The following MGMT variants were observed in gnomAD, a reference collection of about 807,000 sequenced individuals.
The protein encoded by MGMT is methylated-DNA--protein-cysteine methyltransferase.
In MGMT, 14 loss-of-function variants were observed where a neutral mutation model predicts 15.9. The ratio of observed to expected loss-of-function variants is 0.88; its 90% CI spans 0.58 to 1.37. The LOEUF (loss-of-function observed/expected upper bound fraction) is 1.37, where lower values mean the gene tolerates loss of function less well. MGMT is among the 40% of genes most tolerant of loss of function. MGMT has a pLI of 0.00. For synonymous variants in MGMT, 130 were observed against 118.2 expected, an observed-to-expected ratio of 1.10 and a Z score of -0.65; for missense variants, 282 against 268.1, an observed-to-expected ratio of 1.05 and a Z score of -0.36.
chr10:129,563,112 T>G (rs1327169771), intron 2 of MGMT, among the ~76,000 whole-genome samples: 1 of 152,216 alleles, frequency 6.6e-6, no homozygotes, highest in Non-Finnish European at 1.5e-5. Flanking sequence ...TAAGGCAGGC[T>G]GGGTGGAACC....
At chr10:129,552,837 T>G (rs1433658895) in intron 2 of MGMT, among the ~76,000 whole-genome samples, 9 of 152,276 alleles carry the variant, frequency 5.9e-5, no homozygotes, top group Admixed American at 5.2e-4. Context: ...CTGCTCTTTT[T>G]GTTTTTCCCC....
At chr10:129,646,737 TATATA>T (rs1412356182) in intron 2 of MGMT, among the ~76,000 whole-genome samples, 2 of 105,184 alleles carry the variant, frequency 1.9e-5, no homozygotes, top group Non-Finnish European at 4.1e-5. Context: ...TATATATATA[TATATA>T]TATATATATA....
At chr10:129,742,486 A>G (rs1220910083) in intron 3 of MGMT, among the ~76,000 whole-genome samples, 1 of 151,150 alleles carries the variant, frequency 6.6e-6, no homozygotes, top group African/African-American at 2.4e-5. Context: ...CCACTACCAT[A>G]GCAGCCCATG....
intron 2 of MGMT, among the ~76,000 whole-genome samples, chr10:129,641,661 T>C (rs1399256647): frequency 1.3e-5 from 2 of 152,198 alleles, no homozygotes; most frequent in African/African-American, 4.8e-5. Context: ...TTGGGGAAAA[T>C]ACTGAGACAA....
chr10:129,468,028 G>C (rs1480197943), intron 1 of MGMT, among the ~76,000 whole-genome samples: 1 of 152,188 alleles, frequency 6.6e-6, no homozygotes, highest in African/African-American at 2.4e-5. Context: ...ACCTATGCCT[G>C]CTGAGATCAT....
At chr10:129,643,437 A>C (rs1325308924) in intron 2 of MGMT, among the ~76,000 whole-genome samples, 2 of 152,182 alleles carry the variant, frequency 1.3e-5, no homozygotes, top group South Asian at 2.1e-4. Context: ...TCCAGGGGGA[A>C]GGTTCAAAGG....
intron 1 of MGMT, among the ~76,000 whole-genome samples, chr10:129,527,935 C>T (rs920933494): frequency 6.6e-6 from 1 of 152,056 alleles, no homozygotes; most frequent in Non-Finnish European, 1.5e-5. Context: ...GCCTCAGTCT[C>T]TCCTCTCCTC....
chr10:129,600,733 T>C (rs1021824885), intron 2 of MGMT, among the ~76,000 whole-genome samples: 9 of 152,206 alleles, frequency 5.9e-5, no homozygotes, highest in African/African-American at 2.2e-4. Flanking sequence ...AGAGCAGGAA[T>C]TGGCTATGAC....
intron 2 of MGMT, among the ~76,000 whole-genome samples, chr10:129,576,271 A>G (rs1846481757): frequency 6.6e-6 from 1 of 152,212 alleles, no homozygotes; most frequent in South Asian, 2.1e-4. Flanking sequence ...ATGAACATTG[A>G]TGCAAAAATC....
rs1847568862 is a variant in MGMT at position 129,659,348 on chromosome 10, C to T, written c.126-48547C>T. On this transcript the variant is annotated intron_variant, in intron 2 of 4. Transcript: ENST00000651593. The surrounding 1 kb of genome is among the most constrained non-coding windows in gnomAD (Gnocchi z 4.1). ...CTCCAGCCTGGGTGGCAGAGCGAGACTCCCTGTGTGGAAAAAAAAAAAAAA... is the reference window on the plus strand; with the variant it reads ...CTCCAGCCTGGGTGGCAGAGCGAGATTCCCTGTGTGGAAAAAAAAAAAAAA... 6.9e-6 allele frequency among the ~76,000 whole-genome samples: 1 copy of T among 143,994 alleles called. No homozygotes were observed. Among genetic ancestry groups the T allele is most frequent in the African/African-American group, 2.9e-5 (1 of 34,180 alleles). The allele number at this position is 143,994 out of a possible 152,430, so 94.5% of individuals were successfully genotyped here.
intron 2 of MGMT, among the ~76,000 whole-genome samples, chr10:129,545,656 C>T (rs1451522472): frequency 6.6e-6 from 1 of 152,194 alleles, no homozygotes; most frequent in Non-Finnish European, 1.5e-5. Context: ...TGCAAAAGCA[C>T]AACCGTCTGG....
chr10:129,741,514 A>G (rs892430685), intron 3 of MGMT, among the ~76,000 whole-genome samples: 1 of 152,102 alleles, frequency 6.6e-6, no homozygotes, highest in African/African-American at 2.4e-5. Flanking sequence ...AACCTGACCC[A>G]TGGTGGAGGT....
At chr10:129,731,642 C>A (rs1170130561) in intron 3 of MGMT, among the ~76,000 whole-genome samples, 1 of 152,146 alleles carries the variant, frequency 6.6e-6, no homozygotes, top group Non-Finnish European at 1.5e-5. Context: ...GATCCACCTG[C>A]CTCGGCCTCC....
intron 2 of MGMT, among the ~76,000 whole-genome samples, chr10:129,591,933 AAAAT>A (rs1040045350): frequency 9.2e-5 from 14 of 152,350 alleles, no homozygotes; most frequent in Admixed American, 7.2e-4. Context: ...TCCGTCTCAA[AAAAT>A]AAATAAATAA....
intron 2 of MGMT, among the ~76,000 whole-genome samples, chr10:129,705,190 AT>A (rs1380313581): frequency 6.6e-5 from 10 of 152,214 alleles, no homozygotes; most frequent in African/African-American, 2.4e-4. Context: ...TTCTGGGGAA[AT>A]GGAAACGCCA....
At chr10:129,547,556 C>T (rs1298823338) in intron 2 of MGMT, among the ~76,000 whole-genome samples, 1 of 151,364 alleles carries the variant, frequency 6.6e-6, no homozygotes, top group Admixed American at 6.6e-5. Flanking sequence ...AATACAAGCT[C>T]ATAGTGTGTG....
chr10:129,712,859 G>T (rs1258733373), intron 3 of MGMT, among the ~76,000 whole-genome samples: 1 of 152,170 alleles, frequency 6.6e-6, no homozygotes, highest in Non-Finnish European at 1.5e-5. Context: ...CCAGGAAAGA[G>T]CCCACCCCTG....
chr10:129,733,613 C>T (rs371276656), intron 3 of MGMT, among the ~76,000 whole-genome samples: 1 of 152,034 alleles, frequency 6.6e-6, no homozygotes, highest in Non-Finnish European at 1.5e-5. Flanking sequence ...CTTTTGGTGT[C>T]TTAGACATGA....
At chr10:129,641,524 C>G (rs1322785461) in intron 2 of MGMT, among the ~76,000 whole-genome samples, 2 of 152,182 alleles carry the variant, frequency 1.3e-5, no homozygotes, top group Admixed American at 1.3e-4. Context: ...AGTAACTGAT[C>G]ATATAATTCC....
Sources: gnomAD v4.1 joint callset for allele counts (sites outside exome capture counted in the v4.1 genomes callset) on GRCh38, gnomAD v4.1.1 for gene constraint, Gnocchi (gnomAD v3.1) non-coding constraint, MANE v1.5 for transcripts, NCBI Gene and HGNC (gene_info 2026-07-23, HGNC 2026-07-21) for gene names.